Variants in PCDHGA4 observed in about 807,000 individuals in gnomAD.
PCDHGA4 encodes the protein protocadherin gamma-A4.
Under a neutral mutation model 54.6 loss-of-function variants are expected in PCDHGA4, and 38 were observed. That is an observed-to-expected ratio of 0.70 (90% CI 0.54 to 0.91). The LOEUF (loss-of-function observed/expected upper bound fraction) is 0.91. Ranked by LOEUF, PCDHGA4 falls within the 40% of genes least tolerant of loss-of-function variation. The probability of loss-of-function intolerance (pLI) is 0.00; values close to 1 mark genes in which losing one functional copy is unlikely to be tolerated. For synonymous variants in PCDHGA4, 511 were observed against 512.9 expected, an observed-to-expected ratio of 1.00 and a Z score of 0.05; for missense variants, 1,298 against 1,220.9, an observed-to-expected ratio of 1.06 and a Z score of -0.94.
Position 141,511,201 on chromosome 5 carries a change from G to A in PCDHGA4, c.*28G>A, listed in dbSNP as rs2099883661. On this transcript the variant is annotated 3_prime_UTR_variant, in exon 4 of 4. Transcript: ENST00000571252. ...TGGAGGCCAGGCCAAGAGCCACAGG[G>A]CGGCCTCTCCCCAACCAGCCCAGCT... 2 of 1,612,600 alleles carry A rather than the reference G, an allele frequency of 1.2e-6. No homozygotes were observed. The highest frequency in any genetic ancestry group is 1.7e-6 in the Non-Finnish European group (2 of 1,179,344).
intron 1 of PCDHGA4, chr5:141,428,311 G>A: frequency 3.0e-6 from 2 of 671,726 alleles, no homozygotes; most frequent in Non-Finnish European, 5.3e-6. Context: ...CCTGGTCGTG[G>A]CCTTGGCCTT....
intron 1 of PCDHGA4, chr5:141,410,252 C>T (rs3749768): frequency 0.048 from 77,060 of 1,613,996 alleles, 2,017 homozygotes; most frequent in South Asian, 0.077. Flanking sequence ...ACTCTCTGAC[C>T]CCCAGGCTGA....
intron 2 of PCDHGA4, among the ~76,000 whole-genome samples, chr5:141,503,780 T>G (rs779791247): frequency 7.2e-5 from 11 of 152,124 alleles, no homozygotes; most frequent in Non-Finnish European, 1.3e-4. Flanking sequence ...GTTCTTAGGC[T>G]GAGTTCATCT....
chr5:141,419,006 A>G (rs2096312225), intron 1 of PCDHGA4: 1 of 1,614,006 alleles, frequency 6.2e-7, no homozygotes. Context: ...TGGGGAAGTC[A>G]GGTGTAGCTT....
intron 2 of PCDHGA4, among the ~76,000 whole-genome samples, chr5:141,505,119 G>A (rs371973470): frequency 3.1e-4 from 47 of 152,210 alleles, no homozygotes; most frequent in African/African-American, 1.0e-3. Flanking sequence ...CCAAGATCGC[G>A]CCACTGCACT....
intron 1 of PCDHGA4, chr5:141,423,157 G>T: frequency 1.9e-6 from 3 of 1,610,820 alleles, no homozygotes; most frequent in East Asian, 2.2e-5. Context: ...GCAGAGCCTC[G>T]TGGTGGCCGT....
chr5:141,358,754 T>C (rs1332510048), intron 1 of PCDHGA4, among the ~76,000 whole-genome samples: 1 of 152,236 alleles, frequency 6.6e-6, no homozygotes, highest in Admixed American at 6.5e-5. Flanking sequence ...TCTCTTGTCA[T>C]CATGTGAGCC....
chr5:141,375,138 G>A (rs778788428), intron 1 of PCDHGA4: 2 of 1,613,922 alleles, frequency 1.2e-6, no homozygotes. Context: ...GTTACATCTG[G>A]AAGCAGAACA....
At chr5:141,383,537 C>T in intron 1 of PCDHGA4, 1 of 1,612,570 alleles carries the variant, frequency 6.2e-7, no homozygotes, top group African/African-American at 1.3e-5. Flanking sequence ...CTGGTCCTCA[C>T]AGCCTCTGAT....
chr5:141,440,444 C>G (rs2098178389), intron 1 of PCDHGA4: 1 of 152,038 alleles, frequency 6.6e-6, no homozygotes, highest in Admixed American at 6.6e-5. Context: ...AAGGCGCCAT[C>G]TCAAAAAAAA....
In PCDHGA4 at chr5:141,432,716, C is replaced by G. The variant is rs1417017747; in HGVS notation, c.2515-62091C>G. ...GGCCGTCCAGGACCACGGCCAGCCC[C>G]CTCTCTCCGCCACTGTCACGCTCAC... On this transcript the variant is annotated intron_variant, in intron 1 of 3. Coordinates refer to ENST00000571252, the MANE Select transcript of PCDHGA4 (RefSeq NM_018917.4). This position sits in a 1 kb window ranked among gnomAD's most constrained non-coding sequence, Gnocchi z 6.0. 5.6e-6 allele frequency: 9 copies of G among 1,613,912 alleles called. No individual in the cohort carries two copies. Among genetic ancestry groups the G allele is most frequent in the Non-Finnish European group, 7.6e-6 (9 of 1,179,990 alleles).
At chr5:141,393,458 G>C in intron 1 of PCDHGA4, 1 of 1,614,020 alleles carries the variant, frequency 6.2e-7, no homozygotes, top group Non-Finnish European at 8.5e-7. Flanking sequence ...TCACGGCCTC[G>C]GATGGCGGCA....
At chr5:141,371,745 G>C (rs767038146) in intron 1 of PCDHGA4, 1 of 1,614,002 alleles carries the variant, frequency 6.2e-7, no homozygotes, top group Non-Finnish European at 8.5e-7. Context: ...CAACGTTCCC[G>C]TTTTCCACCA....
chr5:141,375,703 G>T (rs776426026), intron 1 of PCDHGA4: 9 of 1,614,144 alleles, frequency 5.6e-6, no homozygotes, highest in Non-Finnish European at 7.6e-6. Flanking sequence ...GCGGGGACCC[G>T]CCTCTTAGCA....
Position 141,485,751 on chromosome 5 carries a change from A to G in PCDHGA4, c.2515-9056A>G. ...CGCAGCGACGGCAGCCTGGTCCCAG[A>G]GCTGCTCCTGGAGAAGCCTTTGGAT... is the stretch of plus-strand genomic sequence containing the variant. On this transcript the variant is annotated intron_variant, in intron 1 of 3. Coordinates refer to ENST00000571252, the MANE Select transcript of PCDHGA4 (RefSeq NM_018917.4). This position sits in a 1 kb window ranked among gnomAD's most constrained non-coding sequence, Gnocchi z 5.7. 6.2e-7 allele frequency: 1 copy of G among 1,614,166 alleles called. No individual in the cohort carries two copies. Among genetic ancestry groups the G allele is most frequent in the Non-Finnish European group, 8.5e-7 (1 of 1,179,998 alleles).
intron 1 of PCDHGA4, chr5:141,428,437 C>G: frequency 2.5e-6 from 1 of 400,386 alleles, no homozygotes; most frequent in East Asian, 5.4e-5. Flanking sequence ...TAAGACTAGA[C>G]CAGGGGTTTT....
At chr5:141,379,214 T>A (rs1775449550) in intron 1 of PCDHGA4, 1 of 152,234 alleles carries the variant, frequency 6.6e-6, no homozygotes, top group Non-Finnish European at 1.5e-5. Flanking sequence ...CTGCTAAGAG[T>A]AATATGTGTT....
chr5:141,409,293 T>G, intron 1 of PCDHGA4: 1 of 1,613,992 alleles, frequency 6.2e-7, no homozygotes, highest in Non-Finnish European at 8.5e-7. Flanking sequence ...CCTCCAGGAA[T>G]GGTTGTTGCC....
At position 141,489,049 on chromosome 5, in the gene PCDHGA4, T is replaced by G; in HGVS notation, c.2515-5758T>G. 2.1e-6 allele frequency: 1 copy of G among 477,660 alleles called. No homozygotes were observed. Among genetic ancestry groups the G allele is most frequent in the Non-Finnish European group, 3.7e-6 (1 of 272,910 alleles). 29.6% of individuals were successfully genotyped at this position (477,660 alleles called of 1,614,324 possible). On this transcript the variant is annotated intron_variant, in intron 1 of 3. Transcript: ENST00000571252. The surrounding 1 kb of genome is among the most constrained non-coding windows in gnomAD (Gnocchi z 4.5). ...CTCCAGCTCCCCAGCTCCACTCAAA[T>G]TCAGCTCCCCTCCCCCCTGCCCACC... is the stretch of plus-strand genomic sequence containing the variant.
Sources: allele counts gnomAD v4.1 joint callset (sites outside exome capture counted in the v4.1 genomes callset), GRCh38; gene constraint gnomAD v4.1.1; non-coding constraint Gnocchi (gnomAD v3.1); transcripts MANE v1.5; gene names NCBI Gene and HGNC (gene_info 2026-07-23, HGNC 2026-07-21).